The following STAM2 variants were observed in gnomAD, a reference collection of about 807,000 sequenced individuals.
STAM2 encodes signal transducing adapter molecule 2.
In STAM2, 51 loss-of-function variants were observed where a neutral mutation model predicts 65.6. That is an observed-to-expected ratio of 0.78 (90% CI 0.62 to 0.98). STAM2 has a LOEUF of 0.98. Ranked by LOEUF, STAM2 falls within the 50% of genes least tolerant of loss-of-function variation. STAM2 has a pLI of 0.00. For missense variants in STAM2, 584 were observed against 617.8 expected (o/e 0.95, Z 0.58); for synonymous variants, 198 against 208.4 (o/e 0.95, Z 0.43).
intron 7 of STAM2, among the ~76,000 whole-genome samples, chr2:152,141,063 T>C (rs752787807): frequency 1.4e-5 from 2 of 147,202 alleles, no homozygotes; most frequent in Admixed American, 6.9e-5. Context: ...TGCTTGAACC[T>C]GGGAGGTGGA....
In STAM2 at chr2:152,133,101, A is replaced by G. The variant is rs1579315124; in HGVS notation, c.970+72T>C. On this transcript the variant is annotated intron_variant, in intron 10 of 13. Coordinates refer to ENST00000263904, the MANE Select transcript of STAM2 (RefSeq NM_005843.6). The stretch of plus-strand genomic sequence containing the variant: ...CCTCTAGAGGCAAATACAAGGCAGA[A>G]GAAACTGAAGACATCATGAATAGCT... The G allele has an allele frequency of 1.6e-5, 12 of 737,606 alleles. No individual in the cohort carries two copies. The East Asian group carries it at 4.9e-4, about 30-fold the overall frequency. The allele number at this position is 737,606 out of a possible 1,614,324, so 45.7% of individuals were successfully genotyped here.
At chr2:152,130,379 G>A (rs1233496764) in intron 11 of STAM2, among the ~76,000 whole-genome samples, 1 of 151,944 alleles carries the variant, frequency 6.6e-6, no homozygotes, top group Non-Finnish European at 1.5e-5. Flanking sequence ...AGCCTCCCGA[G>A]TAGCTGGGAC....
At chr2:152,168,141 T>C (rs907978170) in intron 1 of STAM2, among the ~76,000 whole-genome samples, 6 of 151,222 alleles carry the variant, frequency 4.0e-5, no homozygotes, top group Admixed American at 2.0e-4. Context: ...TATCCTACCC[T>C]ACATACTTAT....
At chr2:152,134,032 A>T (rs996778181) in intron 8 of STAM2, among the ~76,000 whole-genome samples, 1 of 152,172 alleles carries the variant, frequency 6.6e-6, no homozygotes, top group Admixed American at 6.5e-5. Flanking sequence ...TAAACACAAA[A>T]GTTTTTCATG....
chr2:152,155,954 T>C (rs1400047100), intron 1 of STAM2, among the ~76,000 whole-genome samples: 2 of 152,170 alleles, frequency 1.3e-5, no homozygotes, highest in Non-Finnish European at 2.9e-5. Context: ...GGAGCCAGTA[T>C]CATCAATTAT....
rs139953458 is a variant in STAM2 at position 152,128,748 on chromosome 2, A to C, written c.1026-2369T>G. The stretch of plus-strand genomic sequence containing the variant: ...AATCTCTCTTCAACAAATCTACCTA[A>C]ACTTTTATGGAGTCAATTTACATGT... On this transcript the variant is annotated intron_variant, in intron 11 of 13. Transcript: ENST00000263904. Among the ~76,000 whole-genome samples, 236 of 152,310 alleles carry C rather than the reference A, an allele frequency of 1.5e-3. 1 individual carries two copies. Among genetic ancestry groups the C allele is most frequent in the African/African-American group, 5.5e-3 (228 of 41,562 alleles).
In STAM2 at chr2:152,133,318, G is replaced by T. The variant is rs932491139; in HGVS notation, c.883-58C>A. The T allele has an allele frequency of 1.0e-5, 16 of 1,540,966 alleles. No individual in the cohort carries two copies. The African/African-American group carries it at 2.1e-4, about 20-fold the overall frequency. On this transcript the variant is annotated intron_variant, in intron 9 of 13. Coordinates refer to ENST00000263904, the MANE Select transcript of STAM2 (RefSeq NM_005843.6). ...CAAGAGTTTTAACTTCAGTAAATAT[G>T]AAATTACTCTTTCCAAGCATTCTCA...
At position 152,150,068 on chromosome 2, in the gene STAM2, T is replaced by C; in HGVS notation, c.125+77A>G. The C allele has an allele frequency of 3.1e-6, 3 of 974,592 alleles. No homozygotes were observed. The South Asian group carries it at 4.3e-5, about 14-fold the overall frequency. 60.4% of individuals were successfully genotyped at this position (974,592 alleles called of 1,614,324 possible). A position where few individuals can be genotyped will look rare whatever the true frequency, so the allele number is the denominator to read the frequency against. The stretch of plus-strand genomic sequence containing the variant: ...CAACTGTGATAAAGTCTCATTTTCC[T>C]CTCAAAGTTACATCACAAAAAGAGA... On this transcript the variant is annotated intron_variant, in intron 2 of 13. Coordinates refer to ENST00000263904, the MANE Select transcript of STAM2 (RefSeq NM_005843.6).
Position 152,154,214 on chromosome 2 carries a change from T to C in STAM2, c.41-3985A>G, listed in dbSNP as rs115098496. Among the ~76,000 whole-genome samples, 1,159 of 152,148 alleles carry C rather than the reference T, an allele frequency of 7.6e-3. 16 individuals carry two copies. The highest frequency in any genetic ancestry group is 0.026 in the African/African-American group (1,084 of 41,488). On this transcript the variant is annotated intron_variant, in intron 1 of 13. Coordinates refer to ENST00000263904, the MANE Select transcript of STAM2 (RefSeq NM_005843.6). ...CATGGAGAAGCAAATGAAAAATCACTCAGTGGTGGTGGAAAGACTAGCTAG... is the reference window on the plus strand; with the variant it reads ...CATGGAGAAGCAAATGAAAAATCACCCAGTGGTGGTGGAAAGACTAGCTAG...
At chr2:152,161,099 G>A (rs1428059835) in intron 1 of STAM2, among the ~76,000 whole-genome samples, 5 of 152,320 alleles carry the variant, frequency 3.3e-5, no homozygotes, top group East Asian at 3.9e-4. Flanking sequence ...GATGGTTGCC[G>A]TGTCTGTGTA....
chr2:152,159,770 T>C (rs932525502), intron 1 of STAM2, among the ~76,000 whole-genome samples: 2 of 152,244 alleles, frequency 1.3e-5, no homozygotes, highest in African/African-American at 4.8e-5. Context: ...GGTCTCCCTC[T>C]GATGACGAGC....
In STAM2 at chr2:152,143,866, G is replaced by A. The variant is rs747903515; in HGVS notation, c.665C>T (p.Thr222Ile). The A allele has an allele frequency of 1.6e-5, 25 of 1,612,684 alleles. No individual in the cohort carries two copies. Among genetic ancestry groups the A allele is most frequent in the Admixed American group, 1.7e-5 (1 of 59,758 alleles). ...AATAATTATTTCACCATGTTTAAAG[G>A]TGAGTTCATTGTCCTCAACAGCTTC... ...DFEAVEDNEL[T>I]FKHGEIIIVL... The change falls in exon 7 of 14, where the codon ACC becomes ATC. Residue 222 changes from threonine (T) to isoleucine (I), a missense_variant. Physicochemically the swap from Thr to Ile is moderately conservative, Grantham distance 89. Transcript: ENST00000263904.
Position 152,148,280 on chromosome 2 carries a change from G to C in STAM2, c.146C>G (p.Ala49Gly). The C allele has an allele frequency of 6.2e-7, 1 of 1,608,890 alleles. No individual in the cohort carries two copies. Among genetic ancestry groups the C allele is most frequent in the Non-Finnish European group, 8.5e-7 (1 of 1,178,222 alleles). ...TPNGAKDCLK[A>G]IMKRVNHKVP... ...CTTATGATTTACCCTTTTCATTATG[G>C]CTTTTAGGCAATCTTTCGCTCTAAA... Residue 49 changes from alanine (A) to glycine (G), a missense_variant, in exon 3 of 14, where the codon GCC becomes GGC. Physicochemically the swap from Ala to Gly is moderately conservative, Grantham distance 60. Coordinates refer to ENST00000263904, the MANE Select transcript of STAM2 (RefSeq NM_005843.6).
At chr2:152,159,101 A>G (rs539986290) in intron 1 of STAM2, among the ~76,000 whole-genome samples, 1 of 137,018 alleles carries the variant, frequency 7.3e-6, no homozygotes, top group African/African-American at 2.9e-5. Context: ...AACCATATAT[A>G]TATATATATA....
intron 5 of STAM2, 25 bp from the exon 6 acceptor site, chr2:152,144,982 C>T (rs1689312765): frequency 6.4e-7 from 1 of 1,567,792 alleles, no homozygotes; most frequent in South Asian, 1.1e-5. Context: ...GTAAAATGAA[C>T]ACAACTATCT....
At chr2:152,164,822 G>A (rs1278328246) in intron 1 of STAM2, among the ~76,000 whole-genome samples, 1 of 152,006 alleles carries the variant, frequency 6.6e-6, no homozygotes, top group African/African-American at 2.4e-5. Flanking sequence ...AAAAGAAGGG[G>A]GAAAAACACA....
intron 1 of STAM2, among the ~76,000 whole-genome samples, chr2:152,160,051 A>G (rs1689633241): frequency 1.3e-5 from 2 of 152,194 alleles, no homozygotes; most frequent in Admixed American, 1.3e-4. Context: ...CCCAGGCTGG[A>G]GTGCAGTGGC....
intron 6 of STAM2, 101 bp from the exon 7 acceptor site, chr2:152,144,114 A>T: frequency 7.8e-5 from 61 of 781,392 alleles, no homozygotes; most frequent in East Asian, 2.6e-4. Flanking sequence ...CAAGCATTTT[A>T]TTTGTCTAAT....
chr2:152,143,263 G>T (rs1256741152), intron 7 of STAM2, among the ~76,000 whole-genome samples: 1 of 152,098 alleles, frequency 6.6e-6, no homozygotes, highest in Admixed American at 6.5e-5. Flanking sequence ...AAATACATCT[G>T]CAATCTGTGT....
Sources: allele counts gnomAD v4.1 joint callset (sites outside exome capture counted in the v4.1 genomes callset), GRCh38; gene constraint gnomAD v4.1.1; transcripts MANE v1.5; gene names NCBI Gene and HGNC (gene_info 2026-07-23, HGNC 2026-07-21).